DAAM2: variants seen among roughly 807,000 people sequenced by gnomAD.
DAAM2 encodes the protein dishevelled associated activator of morphogenesis 2.
Under a neutral mutation model 120.7 loss-of-function variants are expected in DAAM2, and 39 were observed. The ratio of observed to expected loss-of-function variants is 0.32; its 90% CI spans 0.25 to 0.42. The LOEUF (loss-of-function observed/expected upper bound fraction) is 0.42. Ranked by LOEUF, DAAM2 falls within the 10% of genes least tolerant of loss-of-function variation. DAAM2 has a pLI of 1.00. For synonymous variants in DAAM2, 488 were observed against 524.9 expected, an observed-to-expected ratio of 0.93 and a Z score of 0.96; for missense variants, 1,283 against 1,401.7, an observed-to-expected ratio of 0.92 and a Z score of 1.35.
intron 14 of DAAM2, among the ~76,000 whole-genome samples, chr6:39,881,446 C>T (rs1052853467): frequency 6.6e-5 from 10 of 152,148 alleles, no homozygotes; most frequent in Admixed American, 2.6e-4. Context: ...TAGCCGGGTG[C>T]GGTGGCTCAC....
At chr6:39,866,917 A>G (rs1764455094) in intron 5 of DAAM2, among the ~76,000 whole-genome samples, 1 of 152,272 alleles carries the variant, frequency 6.6e-6, no homozygotes, top group Non-Finnish European at 1.5e-5. Flanking sequence ...GTTACCAAAA[A>G]TAAAAATGTA....
chr6:39,792,962 C>A (rs550577844), intron 1 of DAAM2: 2 of 152,380 alleles, frequency 1.3e-5, no homozygotes, highest in African/African-American at 4.8e-5. Flanking sequence ...GCAGGGCAGC[C>A]GTAAGGTTCT....
chr6:39,872,445 C>T (rs1329538677), intron 9 of DAAM2, among the ~76,000 whole-genome samples: 1 of 152,180 alleles, frequency 6.6e-6, no homozygotes, highest in African/African-American at 2.4e-5. Flanking sequence ...GTCTCAAATA[C>T]CTTTCCTGGG....
At chr6:39,880,630 GT>G (rs1765075200) in intron 14 of DAAM2, among the ~76,000 whole-genome samples, 1 of 151,536 alleles carries the variant, frequency 6.6e-6, no homozygotes, top group Middle Eastern at 3.4e-3. Flanking sequence ...TACAACCTCT[GT>G]AAATCACTCA....
intron 1 of DAAM2, among the ~76,000 whole-genome samples, chr6:39,835,783 T>C (rs1562014366): frequency 6.6e-6 from 1 of 152,134 alleles, no homozygotes; most frequent in Non-Finnish European, 1.5e-5. Context: ...CCCCTCTTGG[T>C]GCCTACCCTA....
intron 2 of DAAM2, among the ~76,000 whole-genome samples, chr6:39,859,785 G>A (rs1764139682): frequency 6.6e-6 from 1 of 152,034 alleles, no homozygotes; most frequent in Non-Finnish European, 1.5e-5. Context: ...GAAAATATAT[G>A]TCGCCCATGT....
intron 6 of DAAM2, 188 bp from the exon 7 acceptor site, chr6:39,868,635 G>C: frequency 1.7e-6 from 1 of 586,210 alleles, no homozygotes; most frequent in Non-Finnish European, 3.1e-6. Flanking sequence ...ACTGAGGTGA[G>C]AGGCAAGGGA....
intron 1 of DAAM2, among the ~76,000 whole-genome samples, chr6:39,809,695 T>C (rs1319498899): frequency 6.6e-6 from 1 of 152,196 alleles, no homozygotes; most frequent in African/African-American, 2.4e-5. Flanking sequence ...AGTTTTACGA[T>C]GTCTAAACTA....
chr6:39,894,988 T>C (rs1765985098), intron 19 of DAAM2, among the ~76,000 whole-genome samples: 1 of 152,158 alleles, frequency 6.6e-6, no homozygotes, highest in African/African-American at 2.4e-5. Context: ...TTGCTCAACA[T>C]TATGGTTGTG....
chr6:39,896,512 A>G (rs1299931719), intron 19 of DAAM2, among the ~76,000 whole-genome samples: 3 of 152,142 alleles, frequency 2.0e-5, no homozygotes, highest in African/African-American at 7.2e-5. Flanking sequence ...CTTCTTAATA[A>G]TCTTTAAATA....
chr6:39,895,649 C>G (rs1766032688), intron 19 of DAAM2, among the ~76,000 whole-genome samples: 3 of 151,722 alleles, frequency 2.0e-5, no homozygotes, highest in Admixed American at 2.0e-4. Context: ...ACAGGATAAT[C>G]TGGTCTTTTT....
At chr6:39,863,301 G>A (rs1764291215) in intron 3 of DAAM2, among the ~76,000 whole-genome samples, 1 of 152,090 alleles carries the variant, frequency 6.6e-6, no homozygotes, top group Non-Finnish European at 1.5e-5. Flanking sequence ...AAGGCAGAAG[G>A]CAGAATGTTT....
intron 3 of DAAM2, among the ~76,000 whole-genome samples, chr6:39,863,658 G>T (rs1764305818): frequency 6.6e-6 from 1 of 152,150 alleles, no homozygotes; most frequent in East Asian, 1.9e-4. Flanking sequence ...AGATCCATTT[G>T]GCTGGAGAAG....
chr6:39,835,724 G>T (rs566553577), intron 1 of DAAM2, among the ~76,000 whole-genome samples: 12 of 152,368 alleles, frequency 7.9e-5, no homozygotes, highest in African/African-American at 2.9e-4. Context: ...GGTTGGCGAA[G>T]ATGCCGAGAG....
chr6:39,823,392 A>G (rs1762556852), intron 1 of DAAM2, among the ~76,000 whole-genome samples: 1 of 152,182 alleles, frequency 6.6e-6, no homozygotes, highest in Non-Finnish European at 1.5e-5. Flanking sequence ...CTGGTCTCCA[A>G]GCTCAGGATG....
chr6:39,831,133 C>T (rs1055268997), intron 1 of DAAM2, among the ~76,000 whole-genome samples: 11 of 152,046 alleles, frequency 7.2e-5, no homozygotes, highest in African/African-American at 2.7e-4. Flanking sequence ...CTATTATGTA[C>T]CAGGTAGTAA....
At chr6:39,797,063 T>C (rs1335361749) in intron 1 of DAAM2, among the ~76,000 whole-genome samples, 3 of 152,172 alleles carry the variant, frequency 2.0e-5, no homozygotes, top group Non-Finnish European at 4.4e-5. Context: ...AGCCTGGAGA[T>C]GGAGACCCTT....
In DAAM2 at chr6:39,824,605, A is replaced by C. The variant is rs145070685; in HGVS notation, c.-56-31642A>C. 1.6e-4 allele frequency among the ~76,000 whole-genome samples: 24 copies of C among 152,250 alleles called. No individual in the cohort carries two copies. The East Asian group carries it at 4.7e-3, about 30-fold the overall frequency. Reference sequence around the variant, plus strand: ...AAAACAAACCCCACATCCTTGACAGAGGTGGTTCTGCCAATTCAGGACAGA... The same window carrying C: ...AAAACAAACCCCACATCCTTGACAGCGGTGGTTCTGCCAATTCAGGACAGA... On this transcript the variant is annotated intron_variant, in intron 1 of 24. Coordinates refer to ENST00000274867, the MANE Select transcript of DAAM2 (RefSeq NM_001201427.2).
chr6:39,882,718 C>T (rs13206628), intron 14 of DAAM2, among the ~76,000 whole-genome samples: 45 of 150,056 alleles, frequency 3.0e-4, no homozygotes, highest in East Asian at 3.9e-4. Context: ...CACACACACA[C>T]GCACACACAC....
Sources: gnomAD v4.1 joint callset for allele counts (sites outside exome capture counted in the v4.1 genomes callset) on GRCh38, gnomAD v4.1.1 for gene constraint, MANE v1.5 for transcripts, NCBI Gene and HGNC (gene_info 2026-07-23, HGNC 2026-07-21) for gene names.